SOS1: variants seen among roughly 807,000 people sequenced by gnomAD.
SOS1 encodes SOS Ras/Rac guanine nucleotide exchange factor 1.
In SOS1, 25 loss-of-function variants were observed where a neutral mutation model predicts 157.6. The observed-to-expected ratio is 0.16, with a 90% CI of 0.12 to 0.22. The LOEUF is 0.22. Among genes scored for constraint, SOS1 ranks in the 10% least tolerant of loss-of-function variants. The pLI is 1.00. For synonymous variants in SOS1, 528 were observed against 534.0 expected, an observed-to-expected ratio of 0.99 and a Z score of 0.16; for missense variants, 1,237 against 1,599.1, an observed-to-expected ratio of 0.77 and a Z score of 3.86.
chr2:39,048,728 T>C (rs1350086448), intron 6 of SOS1, among the ~76,000 whole-genome samples: 2 of 152,194 alleles, frequency 1.3e-5, no homozygotes, highest in East Asian at 1.9e-4. Context: ...TCTTTGATGT[T>C]CTATAGTTTC....
intron 19 of SOS1, among the ~76,000 whole-genome samples, 179 bp downstream of exon 19, chr2:38,996,743 A>T (rs1281423918): frequency 6.6e-6 from 1 of 152,184 alleles, no homozygotes; most frequent in Non-Finnish European, 1.5e-5. Context: ...GATTTACTCA[A>T]ATTAATACTA....
chr2:39,029,585 C>A (rs1312997381), intron 8 of SOS1, among the ~76,000 whole-genome samples: 2 of 152,140 alleles, frequency 1.3e-5, no homozygotes, highest in Non-Finnish European at 2.9e-5. Context: ...GACTGTACCA[C>A]TGCACTCCAG....
In SOS1 at chr2:39,120,412, T is replaced by A; in HGVS notation, c.11A>T (p.Gln4Leu). The A allele has an allele frequency of 6.3e-7, 1 of 1,590,780 alleles. No individual in the cohort carries two copies. Among genetic ancestry groups the A allele is most frequent in the Non-Finnish European group, 8.5e-7 (1 of 1,170,452 alleles). MQA[Q>L]QLPYEFFSEE... ...GCTGAAAAACTCGTAGGGCAGCTGC[T>A]GCGCCTGCATGGTGCCCCCGGGGCG... The change falls in exon 1 of 23, where the codon CAG becomes CTG. Residue 4 changes from glutamine (Q) to leucine (L), a missense_variant. Physicochemically the swap from Gln to Leu is moderately radical, Grantham distance 113 (BLOSUM62 -2). This residue lies in a region of SOS1 where 99 missense variants were observed against 81.6 expected (regional missense o/e 1.21). Transcript: ENST00000402219.
chr2:39,067,441 A>G (rs1241370280), intron 2 of SOS1, among the ~76,000 whole-genome samples, 187 bp downstream of exon 2: 1 of 152,214 alleles, frequency 6.6e-6, no homozygotes, highest in Non-Finnish European at 1.5e-5. Flanking sequence ...AAAAACCTCA[A>G]AATCTAAAAC....
chr2:39,026,280 A>G (rs1367634754), intron 8 of SOS1, among the ~76,000 whole-genome samples: 1 of 150,548 alleles, frequency 6.6e-6, no homozygotes, highest in African/African-American at 2.5e-5. Context: ...GCCTGAACTC[A>G]GGGGTCAGAG....
At position 39,045,273 on chromosome 2, in the gene SOS1, A is replaced by AGTGTGTGTGTGTGTGT. The variant is rs60673777; in HGVS notation, c.864+5855_864+5870dup. On this transcript the variant is annotated intron_variant, in intron 6 of 22. Coordinates refer to ENST00000402219, the MANE Select transcript of SOS1 (RefSeq NM_005633.4). Reference sequence around the variant, plus strand: ...GAGAGAGAGAGAGAGAGAGAGAGAGAGTGTGTGTGTGTGTGTGTGTGTGTG... The same window carrying AGTGTGTGTGTGTGTGT: ...GAGAGAGAGAGAGAGAGAGAGAGAGAGTGTGTGTGTGTGTGTGTGTGTGTGTGTGTGTGTGTGTGTG... Among the ~76,000 whole-genome samples the AGTGTGTGTGTGTGTGT allele has an allele frequency of 2.8e-3, 305 of 108,080 alleles. 3 individuals are homozygous for AGTGTGTGTGTGTGTGT. Among genetic ancestry groups the AGTGTGTGTGTGTGTGT allele is most frequent in the Middle Eastern group, 0.016 (3 of 188 alleles). The allele number at this position is 108,080 out of a possible 152,430, so 70.9% of individuals were successfully genotyped here.
chr2:39,080,262 C>T lies in SOS1; in HGVS notation c.88-12509G>A, dbSNP rs540113737. The stretch of plus-strand genomic sequence containing the variant: ...GTACGCAACCTAGATGCCTCACATG[C>T]ACAGTTCACAACAGGCTCCTGAGAA... On this transcript the variant is annotated intron_variant, in intron 1 of 22. Coordinates refer to ENST00000402219, the MANE Select transcript of SOS1 (RefSeq NM_005633.4). 2.6e-5 allele frequency among the ~76,000 whole-genome samples: 4 copies of T among 152,122 alleles called. No individual in the cohort carries two copies. The South Asian group carries it at 8.3e-4, about 32-fold the overall frequency.
chr2:39,111,602 G>C (rs1673437796), intron 1 of SOS1, among the ~76,000 whole-genome samples: 1 of 151,908 alleles, frequency 6.6e-6, no homozygotes, highest in African/African-American at 2.4e-5. Context: ...CTAGAATACA[G>C]TCTCCCTCTC....
At chr2:39,040,399 AT>A (rs1343364479) in intron 6 of SOS1, among the ~76,000 whole-genome samples, 1 of 152,150 alleles carries the variant, frequency 6.6e-6, no homozygotes, top group Admixed American at 6.5e-5. Flanking sequence ...AGTGGCATTA[AT>A]AGACAATGTG....
At chr2:39,028,150 T>C (rs971376463) in intron 8 of SOS1, among the ~76,000 whole-genome samples, 9 of 152,170 alleles carry the variant, frequency 5.9e-5, no homozygotes, top group Admixed American at 2.6e-4. Flanking sequence ...ATATGCTCTA[T>C]TGAGATGATA....
At chr2:39,011,732 T>C (rs1245389510) in intron 14 of SOS1, among the ~76,000 whole-genome samples, 1 of 152,218 alleles carries the variant, frequency 6.6e-6, no homozygotes, top group African/African-American at 2.4e-5. Flanking sequence ...TACTTTGTGC[T>C]AGGTAATGTA....
intron 1 of SOS1, among the ~76,000 whole-genome samples, chr2:39,116,186 A>AG (rs1673644437): frequency 1.3e-3 from 2 of 1,512 alleles, no homozygotes; most frequent in South Asian, 0.042. Flanking sequence ...TGAATAACCC[A>AG]AACTTTTAAG....
intron 6 of SOS1, among the ~76,000 whole-genome samples, chr2:39,038,796 T>C (rs1326554611): frequency 6.8e-6 from 1 of 147,462 alleles, no homozygotes; most frequent in Non-Finnish European, 1.5e-5. Flanking sequence ...ACTATGAACA[T>C]TTTTATGACA....
intron 5 of SOS1, 76 bp downstream of exon 5, chr2:39,054,538 T>C (rs1351872043): frequency 5.9e-6 from 5 of 847,634 alleles, no homozygotes; most frequent in Non-Finnish European, 8.0e-6. Flanking sequence ...TGATGAACTG[T>C]ACAACTTCAA....
In SOS1 at chr2:38,985,739, ACT is replaced by A; in HGVS notation, c.*83_*84del. The A allele has an allele frequency of 1.3e-6, 2 of 1,497,924 alleles. No individual in the cohort carries two copies. Among genetic ancestry groups the A allele is most frequent in the Non-Finnish European group, 9.3e-7 (1 of 1,079,006 alleles). The allele number at this position is 1,497,924 out of a possible 1,614,324, so 92.8% of individuals were successfully genotyped here. A position where few individuals can be genotyped will look rare whatever the true frequency, so the allele number is the denominator to read the frequency against. The stretch of plus-strand genomic sequence containing the variant: ...GTTAGTGTTTGGAGTTCTCATTTTA[ACT>A]CCTCAGTGCTGGCACATTCAGTGCA... On this transcript the variant is annotated 3_prime_UTR_variant, in exon 23 of 23. Coordinates refer to ENST00000402219, the MANE Select transcript of SOS1 (RefSeq NM_005633.4).
At chr2:38,994,421 A>C (rs1411357032) in intron 20 of SOS1, among the ~76,000 whole-genome samples, 1 of 152,162 alleles carries the variant, frequency 6.6e-6, no homozygotes, top group Non-Finnish European at 1.5e-5. Context: ...ATTATATACC[A>C]TCAGGGGACC....
At chr2:39,003,961 C>T (rs1210257447) in intron 17 of SOS1, among the ~76,000 whole-genome samples, 1 of 152,096 alleles carries the variant, frequency 6.6e-6, no homozygotes. Context: ...GTAGCACCAT[C>T]CCAATTAGGA....
chr2:39,034,893 A>G (rs1205137334), intron 8 of SOS1: 2 of 478,540 alleles, frequency 4.2e-6, no homozygotes, highest in African/African-American at 3.9e-5. Context: ...TTTTCAAAGA[A>G]TCAGCCATGT....
chr2:39,053,865 T>C (rs1008684786), intron 5 of SOS1, among the ~76,000 whole-genome samples: 1 of 152,172 alleles, frequency 6.6e-6, no homozygotes, highest in African/African-American at 2.4e-5. Flanking sequence ...AATTACCATA[T>C]TTTATTGCAA....
Sources: allele counts gnomAD v4.1 joint callset (sites outside exome capture counted in the v4.1 genomes callset), GRCh38; gene constraint gnomAD v4.1.1; regional missense constraint gnomAD v4.1.1; transcripts MANE v1.5; gene names NCBI Gene and HGNC (gene_info 2026-07-23, HGNC 2026-07-21).